The following RPA1 variants were observed in gnomAD, a reference collection of about 807,000 sequenced individuals.
The protein encoded by RPA1 is replication protein A1.
RPA1 carries 49 observed loss-of-function variants against 83.0 expected under a neutral mutation model. The ratio of observed to expected loss-of-function variants is 0.59; its 90% CI spans 0.47 to 0.75. The LOEUF (loss-of-function observed/expected upper bound fraction) is 0.75, where lower values mean the gene tolerates loss of function less well. Among genes scored for constraint, RPA1 ranks in the 30% least tolerant of loss-of-function variants. The pLI, the probability that RPA1 is intolerant of heterozygous loss-of-function variation, is 0.00. For synonymous variants in RPA1, 279 were observed against 281.8 expected (o/e 0.99, Z 0.10); for missense variants, 693 against 776.1 (o/e 0.89, Z 1.27).
rs1912564723 is a variant in RPA1, at chr17:1,853,194, A to G, written c.361+5A>G. 6.2e-7 allele frequency: 1 copy of G among 1,611,876 alleles called. No homozygotes were observed. The highest frequency in any genetic ancestry group is 1.3e-5 in the African/African-American group (1 of 74,862). On this transcript the variant is annotated splice_donor_5th_base_variant and intron_variant, in intron 5 of 16. Transcript: ENST00000254719. The stretch of plus-strand genomic sequence containing the variant: ...ATCCAGTGCCCTATAATGAAGGTAA[A>G]ATGCTTTGGCGTAGGTTGTAGCACT...
At chr17:1,841,502 C>G (rs1191086411) in intron 1 of RPA1, among the ~76,000 whole-genome samples, 7 of 152,116 alleles carry the variant, frequency 4.6e-5, no homozygotes, top group Non-Finnish European at 1.0e-4. Flanking sequence ...CAGGGTTTCA[C>G]CATGTTGGCC....
At chr17:1,882,384 C>T (rs141789371) in intron 12 of RPA1, among the ~76,000 whole-genome samples, 4 of 152,250 alleles carry the variant, frequency 2.6e-5, no homozygotes, top group African/African-American at 7.2e-5. Flanking sequence ...GGGCCAGGCA[C>T]GGTGGCTCAT....
intron 4 of RPA1, among the ~76,000 whole-genome samples, chr17:1,845,031 T>G (rs1455164775): frequency 3.3e-5 from 5 of 152,084 alleles, no homozygotes; most frequent in Admixed American, 2.0e-4. Flanking sequence ...TCAGGCAATC[T>G]GCCCACCTCA....
Position 1,891,846 on chromosome 17 carries a change from A to G in RPA1, c.1565A>G (p.Asp522Gly). Residue 522 changes from aspartate to glycine, a missense_variant, in exon 15 of 17, where the codon GAT becomes GGT. Transcript: ENST00000254719. ...YRMILSVNIADFQENQWVTCF... is the reference protein window; with the variant it reads ...YRMILSVNIAGFQENQWVTCF... Reference sequence around the variant, plus strand: ...TGTGTTTTTTAGGTAAATATTGCAGATTTTCAAGAGAATCAGTGGGTGACT... The same window carrying G: ...TGTGTTTTTTAGGTAAATATTGCAGGTTTTCAAGAGAATCAGTGGGTGACT... The G allele has an allele frequency of 6.3e-7, 1 of 1,593,898 alleles. No homozygotes were observed. Among genetic ancestry groups the G allele is most frequent in the East Asian group, 2.2e-5 (1 of 44,534 alleles).
At chr17:1,861,341 G>A (rs1352068595) in intron 5 of RPA1, among the ~76,000 whole-genome samples, 2 of 152,160 alleles carry the variant, frequency 1.3e-5, no homozygotes, top group Non-Finnish European at 2.9e-5. Context: ...CCACTCGCTC[G>A]CTTTCCTGTG....
At position 1,899,517 on chromosome 17, in the gene RPA1, A is replaced by G. The variant is rs1032451652; in HGVS notation, c.*2342A>G. On this transcript the variant is annotated 3_prime_UTR_variant, in exon 17 of 17. Coordinates refer to ENST00000254719, the MANE Select transcript of RPA1 (RefSeq NM_002945.5). ...TAATCTGATTTCTGTCCATATTTCCAGTGTTTTATGCTTTCCATTAAAACC... is the reference window on the plus strand; with the variant it reads ...TAATCTGATTTCTGTCCATATTTCCGGTGTTTTATGCTTTCCATTAAAACC... The G allele has an allele frequency of 1.3e-5, 2 of 152,218 alleles. No homozygotes were observed. The highest frequency in any genetic ancestry group is 4.8e-5 in the African/African-American group (2 of 41,450). The allele number at this position is 152,218 out of a possible 1,614,324, so 9.4% of individuals were successfully genotyped here. A position where few individuals can be genotyped will look rare whatever the true frequency, so the allele number is the denominator to read the frequency against.
intron 13 of RPA1, among the ~76,000 whole-genome samples, chr17:1,886,364 G>C (rs1015171075): frequency 6.6e-6 from 1 of 152,220 alleles, no homozygotes; most frequent in African/African-American, 2.4e-5. Flanking sequence ...TTTTGACATG[G>C]TCAATGAGCA....
intron 5 of RPA1, among the ~76,000 whole-genome samples, chr17:1,869,432 G>A (rs1291330325): frequency 6.6e-6 from 1 of 152,122 alleles, no homozygotes; most frequent in Non-Finnish European, 1.5e-5. Context: ...TAGCTACTCG[G>A]GAGGCTGAGG....
intron 14 of RPA1, among the ~76,000 whole-genome samples, chr17:1,890,669 TAAATA>T (rs565732035): frequency 3.3e-5 from 5 of 152,182 alleles, no homozygotes; most frequent in Admixed American, 6.5e-5. Flanking sequence ...TCTCAATAAA[TAAATA>T]AATTAAATTA....
chr17:1,895,555 T>C (rs1302126957), intron 16 of RPA1, among the ~76,000 whole-genome samples: 1 of 151,770 alleles, frequency 6.6e-6, no homozygotes, highest in African/African-American at 2.4e-5. Flanking sequence ...CTGGGTAACA[T>C]AGTGAAACCC....
intron 4 of RPA1, among the ~76,000 whole-genome samples, chr17:1,850,137 A>G (rs772935874): frequency 3.9e-4 from 58 of 150,436 alleles, no homozygotes; most frequent in South Asian, 4.2e-4. Flanking sequence ...GCCCCACTGC[A>G]CTCTAGCCTG....
At chr17:1,851,403 A>G (rs1912493693) in intron 4 of RPA1, among the ~76,000 whole-genome samples, 1 of 151,824 alleles carries the variant, frequency 6.6e-6, no homozygotes, top group Admixed American at 6.6e-5. Context: ...TTTCTCCTTT[A>G]CTGTTTATTT....
intron 5 of RPA1, among the ~76,000 whole-genome samples, chr17:1,855,737 T>C (rs1567809637): frequency 6.6e-6 from 1 of 152,136 alleles, no homozygotes. Context: ...CGTTCTTAAA[T>C]TTTCTGCAGC....
chr17:1,865,130 CTG>C (rs1287178229), intron 5 of RPA1, among the ~76,000 whole-genome samples: 2 of 152,158 alleles, frequency 1.3e-5, no homozygotes, highest in African/African-American at 4.8e-5. Flanking sequence ...GTAGAGGAAA[CTG>C]TTGTAGAGAT....
chr17:1,853,221 A>G (rs771768649), intron 5 of RPA1, 32 bp downstream of exon 5: 2 of 1,455,092 alleles, frequency 1.4e-6, no homozygotes, highest in South Asian at 1.1e-5. Flanking sequence ...TGTAGCACTC[A>G]AATGAATACC....
At chr17:1,844,891 C>A (rs1912198996) in intron 4 of RPA1, among the ~76,000 whole-genome samples, 1 of 152,090 alleles carries the variant, frequency 6.6e-6, no homozygotes, top group South Asian at 2.1e-4. Context: ...ATGCAGAAAT[C>A]TTGTTATTTC....
At chr17:1,871,200 C>T (rs1463699299) in intron 5 of RPA1, among the ~76,000 whole-genome samples, 3 of 152,184 alleles carry the variant, frequency 2.0e-5, no homozygotes, top group East Asian at 3.8e-4. Context: ...TAATCTGGCT[C>T]TTTTTCTATG....
At chr17:1,855,814 C>G (rs907464400) in intron 5 of RPA1, among the ~76,000 whole-genome samples, 2 of 127,908 alleles carry the variant, frequency 1.6e-5, no homozygotes, top group African/African-American at 5.1e-5. Flanking sequence ...GTCATCTGGG[C>G]CTGATTTTTT....
In RPA1 at chr17:1,842,843, T is replaced by A. The variant is rs1458831946; in HGVS notation, c.74T>A (p.Leu25His). 1 of 1,614,120 alleles carries A rather than the reference T, an allele frequency of 6.2e-7. No homozygotes were observed. Among genetic ancestry groups the A allele is most frequent in the Non-Finnish European group, 8.5e-7 (1 of 1,179,974 alleles). Residue 25 changes from leucine (L) to histidine (H), a missense_variant, in exon 2 of 17, where the codon CTC becomes CAC. Physicochemically the swap from Leu to His is moderately conservative, Grantham distance 99 (BLOSUM62 -3). Coordinates refer to ENST00000254719, the MANE Select transcript of RPA1 (RefSeq NM_002945.5). ...QKGDTNIKPI[L>H]QVINIRPITT... Reference sequence around the variant, plus strand: ...GGGGATACAAACATAAAGCCCATCCTCCAAGTCATCGTAAGTACCTGCGTA... The same window carrying A: ...GGGGATACAAACATAAAGCCCATCCACCAAGTCATCGTAAGTACCTGCGTA...
Sources: allele counts gnomAD v4.1 joint callset (sites outside exome capture counted in the v4.1 genomes callset), GRCh38; gene constraint gnomAD v4.1.1; transcripts MANE v1.5; gene names NCBI Gene and HGNC (gene_info 2026-07-23, HGNC 2026-07-21).